VPS53: variants seen among roughly 807,000 people sequenced by gnomAD.
VPS53 encodes vacuolar protein sorting-associated protein 53 homolog.
In VPS53, 70 loss-of-function variants were observed where a neutral mutation model predicts 107.0. The observed-to-expected ratio is 0.65, with a 90% CI of 0.54 to 0.80. VPS53 has a LOEUF of 0.80. Among genes scored for constraint, VPS53 ranks in the 30% least tolerant of loss-of-function variants. The pLI is 0.00. For missense variants in VPS53, 917 were observed against 1,049.4 expected (o/e 0.87, Z 1.74); for synonymous variants, 409 against 393.3 (o/e 1.04, Z -0.47).
intron 9 of VPS53, 88 bp from the exon 10 acceptor site, chr17:627,404 A>C: frequency 1.4e-6 from 2 of 1,427,770 alleles, no homozygotes; most frequent in Non-Finnish European, 1.9e-6. Flanking sequence ...AGAGCCAAGC[A>C]AAAGGGAACC....
chr17:637,397 G>GT (rs1970242079), intron 7 of VPS53, among the ~76,000 whole-genome samples: 2 of 152,002 alleles, frequency 1.3e-5, no homozygotes, highest in Admixed American at 6.6e-5. Flanking sequence ...TTTTTGAAGG[G>GT]TTTTTTGTGT....
intron 4 of VPS53, among the ~76,000 whole-genome samples, chr17:695,307 G>T (rs1397909594): frequency 6.6e-6 from 1 of 152,144 alleles, no homozygotes; most frequent in Non-Finnish European, 1.5e-5. Flanking sequence ...ATTCAGATAA[G>T]GTCCATGGAA....
intron 13 of VPS53, among the ~76,000 whole-genome samples, chr17:581,591 G>C (rs1004993682): frequency 1.3e-5 from 2 of 149,114 alleles, no homozygotes; most frequent in Non-Finnish European, 3.0e-5. Flanking sequence ...CATTCCCAGA[G>C]AACTTCCCTC....
chr17:697,887 G>T, intron 3 of VPS53, among the ~76,000 whole-genome samples: 1 of 152,162 alleles, frequency 6.6e-6, no homozygotes, highest in East Asian at 1.9e-4. Context: ...AAGAGCCAGA[G>T]TGATAGATGG....
chr17:586,288 T>C lies in VPS53; in HGVS notation c.1295A>G (p.Tyr432Cys), dbSNP rs1327136475. The stretch of plus-strand genomic sequence containing the variant: ...CACTCACTTGTCTTGGGATTCGATA[T>C]ACACGTAGAGATGAGGCTCAAAACA... The part of the protein sequence containing the change: ...SKCFEPHLYV[Y>C]IESQDKNLGE... Residue 432 changes from tyrosine (Y) to cysteine (C), a missense_variant, in exon 13 of 22, where the codon TAT becomes TGT. Coordinates refer to ENST00000437048, the MANE Select transcript of VPS53 (RefSeq NM_001128159.3). The C allele has an allele frequency of 1.9e-6, 3 of 1,613,932 alleles. No individual in the cohort carries two copies. Among genetic ancestry groups the C allele is most frequent in the African/African-American group, 1.3e-5 (1 of 74,918 alleles).
intron 4 of VPS53, among the ~76,000 whole-genome samples, chr17:677,313 C>A (rs1390605284): frequency 6.6e-6 from 1 of 152,106 alleles, no homozygotes; most frequent in Admixed American, 6.5e-5. Flanking sequence ...GTGGATGAAT[C>A]CTGAAGACCA....
chr17:701,171 A>G (rs1973182889), intron 2 of VPS53, among the ~76,000 whole-genome samples: 2 of 151,956 alleles, frequency 1.3e-5, no homozygotes, highest in African/African-American at 4.8e-5. Flanking sequence ...AAAAAATAAA[A>G]AAAAGTTAGC....
At position 693,690 on chromosome 17, in the gene VPS53, C is replaced by T. The variant is rs145305118; in HGVS notation, c.285+3728G>A. Among the ~76,000 whole-genome samples the T allele has an allele frequency of 1.6e-3, 248 of 152,286 alleles. 3 individuals carry two copies. Among genetic ancestry groups the T allele is most frequent in the African/African-American group, 5.0e-3 (206 of 41,558 alleles). ...TCAAGGTTACCGTGAAAAATGATTG[C>T]ACTCCAGCCTGAGCAACAAGGCAGG... On this transcript the variant is annotated intron_variant, in intron 4 of 21. Transcript: ENST00000437048.
intron 7 of VPS53, among the ~76,000 whole-genome samples, chr17:635,732 C>T (rs1970170681): frequency 6.6e-6 from 1 of 152,126 alleles, no homozygotes; most frequent in Non-Finnish European, 1.5e-5. Flanking sequence ...TTTCTGAGGG[C>T]TCTGTTCTGT....
At chr17:539,815 T>C (rs891254869) in intron 17 of VPS53, among the ~76,000 whole-genome samples, 1 of 152,316 alleles carries the variant, frequency 6.6e-6, no homozygotes, top group East Asian at 1.9e-4. Flanking sequence ...TCATTTACTA[T>C]TCATACATGA....
chr17:571,746 T>G (rs1415275723), intron 13 of VPS53, among the ~76,000 whole-genome samples: 28 of 152,274 alleles, frequency 1.8e-4, no homozygotes, highest in Non-Finnish European at 2.9e-4. Flanking sequence ...GGTTTCGCTG[T>G]GTTGGCCGGG....
intron 2 of VPS53, among the ~76,000 whole-genome samples, chr17:703,187 T>C (rs1973269909): frequency 7.2e-6 from 1 of 138,306 alleles, no homozygotes; most frequent in African/African-American, 2.9e-5. Flanking sequence ...CCAACCTAGG[T>C]GACAGAGTGG....
At chr17:546,600 G>T (rs761874363) in intron 17 of VPS53, among the ~76,000 whole-genome samples, 2 of 152,080 alleles carry the variant, frequency 1.3e-5, no homozygotes, top group African/African-American at 2.4e-5. Context: ...ATCGCCAGTA[G>T]CATCTGAGAA....
At chr17:598,380 C>T (rs1272437561) in intron 12 of VPS53, among the ~76,000 whole-genome samples, 1 of 151,936 alleles carries the variant, frequency 6.6e-6, no homozygotes, top group African/African-American at 2.4e-5. Context: ...GCCCGGCCAC[C>T]ACCCCGTCTG....
chr17:641,018 C>G (rs1336558330), intron 7 of VPS53, among the ~76,000 whole-genome samples: 1 of 152,122 alleles, frequency 6.6e-6, no homozygotes, highest in Middle Eastern at 3.2e-3. Flanking sequence ...CCACGCCTGG[C>G]TAATTTTTTG....
At position 681,795 on chromosome 17, in the gene VPS53, AGAC is replaced by A. The variant is rs372424333; in HGVS notation, c.285+15620_285+15622del. Among the ~76,000 whole-genome samples, 243 of 152,314 alleles carry A rather than the reference AGAC, an allele frequency of 1.6e-3. 4 individuals carry two copies. The highest frequency in any genetic ancestry group is 1.6e-3 in the Non-Finnish European group (112 of 68,028). Reference sequence around the variant, plus strand: ...TGCCCAGTGAGGGCCCTTTCCTCACAGACGGCATCTTCTATGTGTCCTCACATG... The same window carrying A: ...TGCCCAGTGAGGGCCCTTTCCTCACAGGCATCTTCTATGTGTCCTCACATG... On this transcript the variant is annotated intron_variant, in intron 4 of 21. Coordinates refer to ENST00000437048, the MANE Select transcript of VPS53 (RefSeq NM_001128159.3).
At chr17:636,171 T>C (rs1464147287) in intron 7 of VPS53, among the ~76,000 whole-genome samples, 1 of 152,226 alleles carries the variant, frequency 6.6e-6, no homozygotes, top group Non-Finnish European at 1.5e-5. Flanking sequence ...TTATTCTCTT[T>C]GTAGCAATTG....
At chr17:566,850 T>C (rs1472755226) in intron 13 of VPS53, among the ~76,000 whole-genome samples, 1 of 152,088 alleles carries the variant, frequency 6.6e-6, no homozygotes, top group Non-Finnish European at 1.5e-5. Context: ...TTCAAGTGAT[T>C]CTACTGCCTC....
chr17:634,718 C>T (rs1970118068), intron 7 of VPS53, among the ~76,000 whole-genome samples: 1 of 152,070 alleles, frequency 6.6e-6, no homozygotes, highest in South Asian at 2.1e-4. Flanking sequence ...CTAAAAGGGA[C>T]ATGAACTCAT....
Sources: allele counts gnomAD v4.1 joint callset (sites outside exome capture counted in the v4.1 genomes callset), GRCh38; gene constraint gnomAD v4.1.1; transcripts MANE v1.5; gene names NCBI Gene and HGNC (gene_info 2026-07-23, HGNC 2026-07-21).